BCAS3: variants seen among roughly 807,000 people sequenced by gnomAD.
The protein encoded by BCAS3 is BCAS4/BCAS3 fusion.
Under a neutral mutation model 116.1 loss-of-function variants are expected in BCAS3, and 53 were observed. That is an observed-to-expected ratio of 0.46 (90% CI 0.37 to 0.57). The LOEUF (loss-of-function observed/expected upper bound fraction) is 0.57, where lower values mean the gene tolerates loss of function less well. Among genes scored for constraint, BCAS3 ranks in the 20% least tolerant of loss-of-function variants. The pLI, the probability that BCAS3 is intolerant of heterozygous loss-of-function variation, is 0.00. For synonymous variants in BCAS3, 391 were observed against 408.2 expected, an observed-to-expected ratio of 0.96 and a Z score of 0.51; for missense variants, 917 against 1,165.4, an observed-to-expected ratio of 0.79 and a Z score of 3.10.
chr17:60,691,145 C>G (rs1451720871), intron 4 of BCAS3, among the ~76,000 whole-genome samples: 1 of 152,016 alleles, frequency 6.6e-6, no homozygotes, highest in Non-Finnish European at 1.5e-5. Flanking sequence ...GTTGGTTAGG[C>G]TGGTCTCAAT....
At position 60,994,271 on chromosome 17, in the gene BCAS3, TATTA is replaced by T. The variant is rs1201802659; in HGVS notation, c.1486+4040_1486+4043del. On this transcript the variant is annotated intron_variant, in intron 15 of 23. Transcript: ENST00000407086. This position sits in a 1 kb window ranked among gnomAD's most constrained non-coding sequence, Gnocchi z 4.4. ...AAATTATGATTATATAATATTTTAG[TATTA>T]ATTGATTATATACATTACTATAACA... 3.9e-5 allele frequency among the ~76,000 whole-genome samples: 6 copies of T among 152,180 alleles called. No homozygotes were observed. The highest frequency in any genetic ancestry group is 2.1e-4 in the South Asian group (1 of 4,830).
At chr17:60,833,527 A>ATT (rs1418745136) in intron 7 of BCAS3, among the ~76,000 whole-genome samples, 1 of 152,092 alleles carries the variant, frequency 6.6e-6, no homozygotes, top group Non-Finnish European at 1.5e-5. Context: ...CTTCATTATA[A>ATT]CCTTAGTATT....
intron 7 of BCAS3, among the ~76,000 whole-genome samples, chr17:60,826,567 G>C (rs2050447110): frequency 6.6e-6 from 1 of 152,162 alleles, no homozygotes; most frequent in East Asian, 1.9e-4. Context: ...TTTGTGAAAG[G>C]TTTGCTTCTA....
chr17:61,211,895 G>C lies in BCAS3; in HGVS notation c.2425+127331G>C, dbSNP rs1255791040. 6.6e-6 allele frequency among the ~76,000 whole-genome samples: 1 copy of C among 152,202 alleles called. No homozygotes were observed. Among genetic ancestry groups the C allele is most frequent in the Non-Finnish European group, 1.5e-5 (1 of 68,036 alleles). ...ATAAAGTTAATATCGTCAAAGATCT[G>C]ACTATAATCCATTTCATTCACTGTT... On this transcript the variant is annotated intron_variant, in intron 22 of 23. Coordinates refer to ENST00000407086, the MANE Select transcript of BCAS3 (RefSeq NM_017679.5). This position sits in a 1 kb window ranked among gnomAD's most constrained non-coding sequence, Gnocchi z 4.4.
chr17:61,212,572 AT>A (rs1482978145), intron 22 of BCAS3, among the ~76,000 whole-genome samples: 4 of 151,360 alleles, frequency 2.6e-5, no homozygotes, highest in Admixed American at 6.6e-5. Context: ...ACTATATTGT[AT>A]ATTTGCAATA....
chr17:60,909,407 G>A (rs2145092949), intron 11 of BCAS3, among the ~76,000 whole-genome samples: 1 of 152,126 alleles, frequency 6.6e-6, no homozygotes, highest in Non-Finnish European at 1.5e-5. Context: ...ATTAGGTAAG[G>A]ATTTTTTTTT....
intron 22 of BCAS3, among the ~76,000 whole-genome samples, chr17:61,328,558 G>A (rs1204468639): frequency 6.6e-6 from 1 of 152,192 alleles, no homozygotes; most frequent in Non-Finnish European, 1.5e-5. Context: ...CTTGAGCCCA[G>A]GAGTTCAAGA....
In BCAS3 at chr17:61,362,582, T is replaced by TC. The variant is rs1408018372; in HGVS notation, c.2426-5740dup. On this transcript the variant is annotated intron_variant, in intron 22 of 23. Coordinates refer to ENST00000407086, the MANE Select transcript of BCAS3 (RefSeq NM_017679.5). This position sits in a 1 kb window ranked among gnomAD's most constrained non-coding sequence, Gnocchi z 4.4. ...TGGTGTACAAAGGCAAAGCACGTGT[T>TC]CCCCCAGCCTCCCCAGGAGCTACCA... 1.3e-5 allele frequency among the ~76,000 whole-genome samples: 2 copies of TC among 152,082 alleles called. No homozygotes were observed. The highest frequency in any genetic ancestry group is 4.1e-4 in the South Asian group (2 of 4,822).
Position 61,368,553 on chromosome 17 carries a change from G to T in BCAS3, c.2593+59G>T, listed in dbSNP as rs566577590. On this transcript the variant is annotated intron_variant, in intron 23 of 23. Transcript: ENST00000407086. This position sits in a 1 kb window ranked among gnomAD's most constrained non-coding sequence, Gnocchi z 6.0. Reference sequence around the variant, plus strand: ...GTCAGGACCAGCACCTGTTGGTGCAGAGCTTCTCTGGAATCGTTTGTGGGC... The same window carrying T: ...GTCAGGACCAGCACCTGTTGGTGCATAGCTTCTCTGGAATCGTTTGTGGGC... 576 of 1,507,812 alleles carry T rather than the reference G, an allele frequency of 3.8e-4. 7 individuals carry two copies. The South Asian group carries it at 5.7e-3, about 15-fold the overall frequency. The allele number at this position is 1,507,812 out of a possible 1,614,324, so 93.4% of individuals were successfully genotyped here.
rs944244520 is a variant in BCAS3 at position 61,139,178 on chromosome 17, C to T, written c.2425+54614C>T. Among the ~76,000 whole-genome samples, 5 of 152,056 alleles carry T rather than the reference C, an allele frequency of 3.3e-5. No homozygotes were observed. Among genetic ancestry groups the T allele is most frequent in the African/African-American group, 1.2e-4 (5 of 41,388 alleles). ...TGCTAGTGATAGAAGTTCTGAATTA[C>T]GGATACATTCTTAGGCTTAAAGAGT... On this transcript the variant is annotated intron_variant, in intron 22 of 23. Transcript: ENST00000407086. This position sits in a 1 kb window ranked among gnomAD's most constrained non-coding sequence, Gnocchi z 4.7.
intron 16 of BCAS3, among the ~76,000 whole-genome samples, chr17:61,018,697 G>T (rs2145546042): frequency 6.6e-6 from 1 of 152,006 alleles, no homozygotes; most frequent in South Asian, 2.1e-4. Flanking sequence ...CTCTCCCTCT[G>T]CCTGCATATA....
chr17:61,123,988 T>G (rs971422204), intron 22 of BCAS3, among the ~76,000 whole-genome samples: 1 of 152,154 alleles, frequency 6.6e-6, no homozygotes, highest in African/African-American at 2.4e-5. Flanking sequence ...TTCAAACCAG[T>G]TCTAATCAAA....
chr17:61,087,138 A>G lies in BCAS3; in HGVS notation c.2425+2574A>G, dbSNP rs772474531. On this transcript the variant is annotated intron_variant, in intron 22 of 23. Transcript: ENST00000407086. The surrounding 1 kb of genome is among the most constrained non-coding windows in gnomAD (Gnocchi z 4.6). Reference sequence around the variant, plus strand: ...TAATAAATTTTTATAATTGCTCTTGAACCGGGAAGTGCACCTCTGATTATG... The same window carrying G: ...TAATAAATTTTTATAATTGCTCTTGGACCGGGAAGTGCACCTCTGATTATG... 26 of 985,252 alleles carry G rather than the reference A, an allele frequency of 2.6e-5. No homozygotes were observed. The highest frequency in any genetic ancestry group is 2.3e-5 in the Non-Finnish European group (19 of 829,886). 61.0% of individuals were successfully genotyped at this position (985,252 alleles called of 1,614,324 possible). A position where few individuals can be genotyped will look rare whatever the true frequency, so the allele number is the denominator to read the frequency against.
chr17:60,959,142 A>T (rs1290069292), intron 14 of BCAS3, among the ~76,000 whole-genome samples: 1 of 151,646 alleles, frequency 6.6e-6, no homozygotes, highest in African/African-American at 2.4e-5. Context: ...CTGTCTCTAC[A>T]AAAGCAAAAA....
At position 61,205,904 on chromosome 17, in the gene BCAS3, C is replaced by A. The variant is rs1044512773; in HGVS notation, c.2425+121340C>A. Among the ~76,000 whole-genome samples the A allele has an allele frequency of 6.6e-6, 1 of 152,126 alleles. No individual in the cohort carries two copies. The highest frequency in any genetic ancestry group is 1.5e-5 in the Non-Finnish European group (1 of 68,020). On this transcript the variant is annotated intron_variant, in intron 22 of 23. Coordinates refer to ENST00000407086, the MANE Select transcript of BCAS3 (RefSeq NM_017679.5). The surrounding 1 kb of genome is among the most constrained non-coding windows in gnomAD (Gnocchi z 5.2). ...AGGCAAACACAACCAAAAAGACAGC[C>A]CTTTTGCTTAGTTAGGAAGATAATT...
At chr17:60,688,696 G>C (rs2034413926) in intron 3 of BCAS3, among the ~76,000 whole-genome samples, 1 of 151,758 alleles carries the variant, frequency 6.6e-6, no homozygotes, top group African/African-American at 2.4e-5. Context: ...CACGCCTATA[G>C]TTCCAGCTAC....
intron 22 of BCAS3, among the ~76,000 whole-genome samples, chr17:61,114,137 G>A (rs2075275016): frequency 7.2e-6 from 1 of 138,932 alleles, no homozygotes; most frequent in Non-Finnish European, 1.6e-5. Context: ...ATATCATACT[G>A]AATGGGCAAA....
At chr17:60,864,800 C>A (rs1327552764) in intron 7 of BCAS3, among the ~76,000 whole-genome samples, 1 of 152,098 alleles carries the variant, frequency 6.6e-6, no homozygotes, top group Non-Finnish European at 1.5e-5. Context: ...GAGAGATATG[C>A]AACTCTTTAT....
chr17:60,998,893 C>T (rs1474442976), intron 15 of BCAS3, among the ~76,000 whole-genome samples: 1 of 152,066 alleles, frequency 6.6e-6, no homozygotes, highest in Non-Finnish European at 1.5e-5. Flanking sequence ...TTGCTCAAGC[C>T]AGTGTCCAGA....
Sources: gnomAD v4.1 joint callset for allele counts (sites outside exome capture counted in the v4.1 genomes callset) on GRCh38, gnomAD v4.1.1 for gene constraint, Gnocchi (gnomAD v3.1) non-coding constraint, MANE v1.5 for transcripts, NCBI Gene and HGNC (gene_info 2026-07-23, HGNC 2026-07-21) for gene names.